Variants in SUSD1 observed in about 807,000 individuals in gnomAD.
SUSD1 encodes the protein sushi domain-containing protein 1.
SUSD1 carries 65 observed loss-of-function variants against 86.9 expected under a neutral mutation model. The ratio of observed to expected loss-of-function variants is 0.75; its 90% CI spans 0.61 to 0.92. The LOEUF (loss-of-function observed/expected upper bound fraction) is 0.92, where lower values mean the gene tolerates loss of function less well. Among genes scored for constraint, SUSD1 ranks in the 40% least tolerant of loss-of-function variants. The pLI is 0.00. For synonymous variants in SUSD1, 346 were observed against 350.0 expected, an observed-to-expected ratio of 0.99 and a Z score of 0.13; for missense variants, 850 against 929.7, an observed-to-expected ratio of 0.91 and a Z score of 1.11.
At chr9:112,075,058 G>A (rs1177978357) in intron 12 of SUSD1, among the ~76,000 whole-genome samples, 1 of 152,068 alleles carries the variant, frequency 6.6e-6, no homozygotes, top group African/African-American at 2.4e-5. Context: ...AATATGCAAC[G>A]GTCCTTCAAA....
intron 9 of SUSD1, among the ~76,000 whole-genome samples, chr9:112,099,482 C>T (rs1387122947): frequency 6.6e-6 from 1 of 152,152 alleles, no homozygotes; most frequent in African/African-American, 2.4e-5. Flanking sequence ...CCAGATTATG[C>T]ATTCAAAGCA....
intron 2 of SUSD1, among the ~76,000 whole-genome samples, chr9:112,156,171 A>AAC (rs1554774940): frequency 1.1e-4 from 16 of 151,622 alleles, no homozygotes; most frequent in African/African-American, 3.9e-4. Context: ...TAAAAAAAAA[A>AAC]AAAACTCACT....
chr9:112,047,518 C>A (rs1213175280), intron 15 of SUSD1, among the ~76,000 whole-genome samples: 1 of 152,158 alleles, frequency 6.6e-6, no homozygotes. Context: ...CAGTTCCTTG[C>A]TGCTATGGTT....
At chr9:112,138,039 A>T (rs1002122060) in intron 5 of SUSD1, 1 of 151,110 alleles carries the variant, frequency 6.6e-6, no homozygotes, top group Non-Finnish European at 1.5e-5. Flanking sequence ...CCTGGCCAAC[A>T]TGGCGAAACC....
At chr9:112,086,068 C>T (rs575198137) in intron 10 of SUSD1, among the ~76,000 whole-genome samples, 36 of 152,176 alleles carry the variant, frequency 2.4e-4, no homozygotes, top group African/African-American at 8.4e-4. Flanking sequence ...CTTTGAGAGG[C>T]CGAGGTGGAA....
intron 14 of SUSD1, among the ~76,000 whole-genome samples, 178 bp from the exon 15 acceptor site, chr9:112,052,616 G>A (rs17231083): frequency 0.036 from 5,423 of 152,170 alleles, 123 homozygotes; most frequent in Non-Finnish European, 0.057. Context: ...TCAAGGGACC[G>A]GCGTGGGTTG....
chr9:112,085,434 T>C (rs1829936883), intron 10 of SUSD1, among the ~76,000 whole-genome samples: 1 of 152,242 alleles, frequency 6.6e-6, no homozygotes, highest in Non-Finnish European at 1.5e-5. Context: ...ATATGGATAT[T>C]GTTATTCCCA....
rs139443179 is a variant in SUSD1, at chr9:112,078,672, G to C, written c.1619C>G (p.Thr540Ser). 7 of 1,613,826 alleles carry C rather than the reference G, an allele frequency of 4.3e-6. No individual in the cohort carries two copies. Among genetic ancestry groups the C allele is most frequent in the Non-Finnish European group, 8.5e-7 (1 of 1,179,892 alleles). The change falls in exon 12 of 17, where the codon ACC (threonine) becomes AGC (serine). Residue 540 changes from threonine to serine, a missense_variant. Physicochemically the swap from Thr to Ser is moderately conservative, Grantham distance 58. Coordinates refer to ENST00000374270, the MANE Select transcript of SUSD1 (RefSeq NM_022486.5). ...WYQKEFAQEMTFNISSSSRDP... is the reference protein window; with the variant it reads ...WYQKEFAQEMSFNISSSSRDP... Reference sequence around the variant, plus strand: ...TCGGCTGCTGCTACTGATATTAAAGGTCATTTCCTGGGCAAATTCCTTCTG... The same window carrying C: ...TCGGCTGCTGCTACTGATATTAAAGCTCATTTCCTGGGCAAATTCCTTCTG...
chr9:112,164,271 G>A (rs1482576268), intron 1 of SUSD1, among the ~76,000 whole-genome samples: 1 of 152,134 alleles, frequency 6.6e-6, no homozygotes, highest in Non-Finnish European at 1.5e-5. Flanking sequence ...CAGGTATAGG[G>A]GGAAGCACTG....
At chr9:112,129,460 G>A (rs896491883) in intron 5 of SUSD1, among the ~76,000 whole-genome samples, 1 of 152,076 alleles carries the variant, frequency 6.6e-6, no homozygotes, top group African/African-American at 2.4e-5. Context: ...CCTCACACGT[G>A]CACAACCATA....
intron 2 of SUSD1, among the ~76,000 whole-genome samples, chr9:112,150,603 T>C (rs1833004881): frequency 6.6e-6 from 1 of 152,184 alleles, no homozygotes; most frequent in Non-Finnish European, 1.5e-5. Context: ...TGTGGGAACA[T>C]CATAGGGTGT....
intron 15 of SUSD1, 100 bp downstream of exon 15, chr9:112,052,299 T>C: frequency 3.1e-6 from 5 of 1,603,870 alleles, no homozygotes; most frequent in East Asian, 2.3e-5. Context: ...AATTGGGTTC[T>C]GGTCACCAGT....
chr9:112,170,562 C>T (rs548737454), intron 1 of SUSD1, among the ~76,000 whole-genome samples: 2 of 152,216 alleles, frequency 1.3e-5, no homozygotes, highest in East Asian at 3.9e-4. Context: ...ACTTTCCTTA[C>T]ACTCAGGTCA....
At chr9:112,050,092 A>G (rs1828123603) in intron 15 of SUSD1, among the ~76,000 whole-genome samples, 1 of 152,210 alleles carries the variant, frequency 6.6e-6, no homozygotes, top group Non-Finnish European at 1.5e-5. Context: ...CATCTTAATT[A>G]TTCTGATAAA....
intron 15 of SUSD1, chr9:112,042,232 G>T: frequency 1.5e-6 from 2 of 1,358,874 alleles, no homozygotes; most frequent in Admixed American, 4.0e-5. Flanking sequence ...ATCTTGTTGA[G>T]CACACAAATA....
At chr9:112,125,928 T>C (rs1831755312) in intron 5 of SUSD1, among the ~76,000 whole-genome samples, 1 of 152,232 alleles carries the variant, frequency 6.6e-6, no homozygotes, top group Admixed American at 6.5e-5. Flanking sequence ...TCTCATCTAA[T>C]TTCCAACCCT....
Position 112,144,588 on chromosome 9 carries a change from C to T in SUSD1, c.374-965G>A, listed in dbSNP as rs114075923. The stretch of plus-strand genomic sequence containing the variant: ...CAGGAGTTTGAGACCAGCCTGGGAA[C>T]GAAGTGAGAACCTGTCTTAAAATTA... On this transcript the variant is annotated intron_variant, in intron 3 of 16. Transcript: ENST00000374270. Among the ~76,000 whole-genome samples the T allele has an allele frequency of 9.6e-3, 1,466 of 152,102 alleles. 26 individuals are homozygous for T. The highest frequency in any genetic ancestry group is 0.034 in the African/African-American group (1,408 of 41,482).
rs769455796 is a variant in SUSD1 at position 112,124,428 on chromosome 9, A to G, written c.715T>C (p.Cys239Arg). 1 of 1,613,894 alleles carries G rather than the reference A, an allele frequency of 6.2e-7. No homozygotes were observed. Among genetic ancestry groups the G allele is most frequent in the East Asian group, 2.2e-5 (1 of 44,884 alleles). ...TGCCGCATTTCTGGAGGGTTGCCAC[A>G]GTTGATCTCTGCAATGGGAACCAAG... The part of the protein sequence containing the change: ...SPKLHCQEIN[C>R]GNPPEMRHAI... The change falls in exon 6 of 17, where the codon TGT becomes CGT. Residue 239 changes from cysteine to arginine, a missense_variant. Transcript: ENST00000374270.
chr9:112,111,022 C>A (rs1392085029), intron 8 of SUSD1, among the ~76,000 whole-genome samples: 1 of 151,952 alleles, frequency 6.6e-6, no homozygotes, highest in Non-Finnish European at 1.5e-5. Flanking sequence ...AGAGTCTTGC[C>A]CTGTTGCCCA....
Sources: gnomAD v4.1 joint callset for allele counts (sites outside exome capture counted in the v4.1 genomes callset) on GRCh38, gnomAD v4.1.1 for gene constraint, MANE v1.5 for transcripts, NCBI Gene and HGNC (gene_info 2026-07-23, HGNC 2026-07-21) for gene names.